UBE2E2: variants seen among roughly 807,000 people sequenced by gnomAD.
UBE2E2 encodes the protein ubiquitin-conjugating enzyme E2 E2.
In UBE2E2, 6 loss-of-function variants were observed where a neutral mutation model predicts 24.7. The observed-to-expected ratio is 0.24, with a 90% CI of 0.13 to 0.48. UBE2E2 has a LOEUF of 0.48. UBE2E2 is among the 20% of genes least tolerant of loss of function. UBE2E2 has a pLI of 0.99. For missense variants in UBE2E2, 169 were observed against 245.0 expected (o/e 0.69, Z 2.07); for synonymous variants, 104 against 83.6 (o/e 1.24, Z -1.33).
intron 3 of UBE2E2, among the ~76,000 whole-genome samples, chr3:23,486,027 T>C (rs2125445666): frequency 6.6e-6 from 1 of 152,266 alleles, no homozygotes; most frequent in African/African-American, 2.4e-5. Flanking sequence ...GCGCCTCTGC[T>C]TGAGTTTTGC....
At chr3:23,381,357 A>C (rs62253410) in intron 3 of UBE2E2, among the ~76,000 whole-genome samples, 4 of 152,200 alleles carry the variant, frequency 2.6e-5, no homozygotes, top group Non-Finnish European at 5.9e-5. Flanking sequence ...AATTCCAATA[A>C]ATCTATAATT....
chr3:23,261,499 C>G (rs1408154443), intron 3 of UBE2E2, among the ~76,000 whole-genome samples: 1 of 152,094 alleles, frequency 6.6e-6, no homozygotes, highest in African/African-American at 2.4e-5. Flanking sequence ...GATGTACTCT[C>G]TTAGCAAATT....
intron 3 of UBE2E2, among the ~76,000 whole-genome samples, chr3:23,406,143 A>G (rs1222465164): frequency 6.6e-6 from 1 of 152,268 alleles, no homozygotes; most frequent in Non-Finnish European, 1.5e-5. Context: ...GCAGAATTAT[A>G]AAGTAAAAGA....
intron 5 of UBE2E2, among the ~76,000 whole-genome samples, chr3:23,537,475 A>G (rs1021611116): frequency 1.3e-5 from 2 of 152,168 alleles, no homozygotes; most frequent in African/African-American, 4.8e-5. Context: ...AATGGCCACT[A>G]ATTAACCCTC....
At chr3:23,448,461 A>G (rs958494186) in intron 3 of UBE2E2, among the ~76,000 whole-genome samples, 1 of 152,214 alleles carries the variant, frequency 6.6e-6, no homozygotes, top group Admixed American at 6.5e-5. Flanking sequence ...ACTATTAGGA[A>G]TAGTCTACTA....
At chr3:23,259,974 A>G (rs1303691089) in intron 3 of UBE2E2, among the ~76,000 whole-genome samples, 2 of 152,224 alleles carry the variant, frequency 1.3e-5, no homozygotes, top group Non-Finnish European at 2.9e-5. Context: ...TTTTCTCACA[A>G]AAGTAAATTT....
At chr3:23,485,257 A>G (rs929209720) in intron 3 of UBE2E2, among the ~76,000 whole-genome samples, 1 of 151,924 alleles carries the variant, frequency 6.6e-6, no homozygotes. Context: ...AACCACACCC[A>G]GCTAATTTTT....
intron 3 of UBE2E2, among the ~76,000 whole-genome samples, chr3:23,334,447 C>A (rs540567330): frequency 7.4e-4 from 112 of 152,056 alleles, no homozygotes; most frequent in Non-Finnish European, 1.3e-3. Flanking sequence ...TTGGTGGTAC[C>A]TACTCATAGG....
chr3:23,403,446 C>T (rs1697278585), intron 3 of UBE2E2, among the ~76,000 whole-genome samples: 1 of 152,184 alleles, frequency 6.6e-6, no homozygotes, highest in African/African-American at 2.4e-5. Context: ...ACATACTTGG[C>T]TTTTCATGGA....
At chr3:23,235,907 A>G (rs1697091229) in intron 3 of UBE2E2, among the ~76,000 whole-genome samples, 1 of 152,182 alleles carries the variant, frequency 6.6e-6, no homozygotes, top group African/African-American at 2.4e-5. Flanking sequence ...TCAAGTAGGC[A>G]GTTGAACATG....
chr3:23,589,658 T>C lies in UBE2E2; in HGVS notation c.509-76T>C, dbSNP rs1696715476. ...AGCTTCTCATCTCCTACCCTCCCAC[T>C]CCTTGCCAGCTTTCTGAACACTTCT... is the stretch of plus-strand genomic sequence containing the variant. On this transcript the variant is annotated intron_variant, in intron 5 of 5. Transcript: ENST00000396703. This position sits in a 1 kb window ranked among gnomAD's most constrained non-coding sequence, Gnocchi z 4.1. 1 of 1,509,528 alleles carries C rather than the reference T, an allele frequency of 6.6e-7. No individual in the cohort carries two copies. The highest frequency in any genetic ancestry group is 9.2e-7 in the Non-Finnish European group (1 of 1,091,430). 93.5% of individuals were successfully genotyped at this position (1,509,528 alleles called of 1,614,324 possible). A position where few individuals can be genotyped will look rare whatever the true frequency, so the allele number is the denominator to read the frequency against.
intron 3 of UBE2E2, among the ~76,000 whole-genome samples, chr3:23,438,291 G>A (rs535148736): frequency 6.6e-6 from 1 of 152,140 alleles, no homozygotes; most frequent in Non-Finnish European, 1.5e-5. Flanking sequence ...GGAGCAAGAG[G>A]AAATAAGGCT....
At chr3:23,261,392 ATT>A (rs1195608319) in intron 3 of UBE2E2, among the ~76,000 whole-genome samples, 1 of 152,168 alleles carries the variant, frequency 6.6e-6, no homozygotes, top group Non-Finnish European at 1.5e-5. Flanking sequence ...ACATGTTTAT[ATT>A]GTGAAACTTA....
chr3:23,276,043 A>G (rs1698368084), intron 3 of UBE2E2, among the ~76,000 whole-genome samples: 1 of 152,088 alleles, frequency 6.6e-6, no homozygotes, highest in African/African-American at 2.4e-5. Flanking sequence ...GGGGAAGAAA[A>G]GTAGAGACAA....
chr3:23,339,242 T>C (rs1375299532), intron 3 of UBE2E2, among the ~76,000 whole-genome samples: 1 of 152,126 alleles, frequency 6.6e-6, no homozygotes, highest in African/African-American at 2.4e-5. Context: ...TTTTAGAAAG[T>C]GTCAAGATTA....
At chr3:23,295,586 A>G (rs534147971) in intron 3 of UBE2E2, among the ~76,000 whole-genome samples, 1 of 152,326 alleles carries the variant, frequency 6.6e-6, no homozygotes, top group Non-Finnish European at 1.5e-5. Flanking sequence ...GAAGTATGGG[A>G]AGTCCAGATT....
chr3:23,311,774 A>G (rs1559343612), intron 3 of UBE2E2, among the ~76,000 whole-genome samples: 1 of 152,142 alleles, frequency 6.6e-6, no homozygotes, highest in Non-Finnish European at 1.5e-5. Context: ...GTAGGTATAT[A>G]TATTTATGGG....
chr3:23,523,578 T>C lies in UBE2E2; in HGVS notation c.361-8976T>C, dbSNP rs139986192. Among the ~76,000 whole-genome samples, 665 of 140,204 alleles carry C rather than the reference T, an allele frequency of 4.7e-3. 8 individuals carry two copies. The highest frequency in any genetic ancestry group is 5.5e-3 in the Non-Finnish European group (365 of 66,296). The allele number at this position is 140,204 out of a possible 152,430, so 92.0% of individuals were successfully genotyped here. On this transcript the variant is annotated intron_variant, in intron 4 of 5. Transcript: ENST00000396703. The stretch of plus-strand genomic sequence containing the variant: ...TGATGTTTAATTTCAGTTCCTTCAC[T>C]GCCAGTTATTCAAGGGCCAGATAAT...
intron 3 of UBE2E2, among the ~76,000 whole-genome samples, chr3:23,428,343 A>C (rs1477405439): frequency 6.6e-6 from 1 of 152,226 alleles, no homozygotes; most frequent in East Asian, 1.9e-4. Flanking sequence ...AATATTTTAA[A>C]CAATGAAAAC....
Sources: gnomAD v4.1 joint callset for allele counts (sites outside exome capture counted in the v4.1 genomes callset) on GRCh38, gnomAD v4.1.1 for gene constraint, Gnocchi (gnomAD v3.1) non-coding constraint, MANE v1.5 for transcripts, NCBI Gene and HGNC (gene_info 2026-07-23, HGNC 2026-07-21) for gene names.